BBX: variants seen among roughly 807,000 people sequenced by gnomAD.
BBX encodes the protein BBX high mobility group box domain containing.
In BBX, 30 loss-of-function variants were observed where a neutral mutation model predicts 100.2. That is an observed-to-expected ratio of 0.30 (90% CI 0.22 to 0.41). The LOEUF (loss-of-function observed/expected upper bound fraction) is 0.41. BBX is among the 10% of genes least tolerant of loss of function. The pLI, the probability that BBX is intolerant of heterozygous loss-of-function variation, is 1.00. For missense variants in BBX, 1,023 were observed against 1,129.8 expected (o/e 0.91, Z 1.35); for synonymous variants, 376 against 388.1 (o/e 0.97, Z 0.37).
At chr3:107,546,799 T>A (rs2107396684) in intron 2 of BBX, among the ~76,000 whole-genome samples, 1 of 152,314 alleles carries the variant, frequency 6.6e-6, no homozygotes, top group South Asian at 2.1e-4. Flanking sequence ...TGTAATATAG[T>A]TACTGTATCT....
At chr3:107,721,813 A>G (rs1576498973) in intron 5 of BBX, among the ~76,000 whole-genome samples, 1 of 151,990 alleles carries the variant, frequency 6.6e-6, no homozygotes, top group East Asian at 1.9e-4. Flanking sequence ...TAAAATGGCA[A>G]TTAAGATGCC....
At chr3:107,643,731 G>C (rs1308536242) in intron 2 of BBX, among the ~76,000 whole-genome samples, 1 of 152,160 alleles carries the variant, frequency 6.6e-6, no homozygotes, top group African/African-American at 2.4e-5. Flanking sequence ...CGTCAAATCA[G>C]TACACTCTCT....
intron 5 of BBX, among the ~76,000 whole-genome samples, chr3:107,725,468 G>A (rs1342098389): frequency 1.3e-5 from 2 of 152,008 alleles, no homozygotes; most frequent in Admixed American, 1.3e-4. Flanking sequence ...GGTGAGAGAG[G>A]GCATCCCTGT....
intron 7 of BBX, among the ~76,000 whole-genome samples, chr3:107,738,468 T>C (rs2063816364): frequency 1.3e-5 from 2 of 152,204 alleles, no homozygotes; most frequent in African/African-American, 4.8e-5. Flanking sequence ...TCCGTAAGAC[T>C]AACTCTTAAT....
intron 10 of BBX, among the ~76,000 whole-genome samples, chr3:107,766,768 G>A (rs2066428365): frequency 6.6e-6 from 1 of 152,086 alleles, no homozygotes; most frequent in Non-Finnish European, 1.5e-5. Flanking sequence ...TATGTTTATT[G>A]CAGCACTGTT....
chr3:107,764,869 C>A (rs2066247754), intron 10 of BBX, among the ~76,000 whole-genome samples: 1 of 152,186 alleles, frequency 6.6e-6, no homozygotes, highest in Admixed American at 6.5e-5. Context: ...GTGTGCTTGT[C>A]TGTGTGCACA....
At chr3:107,747,825 C>T (rs149466501) in intron 8 of BBX, 140 bp from the exon 9 acceptor site, 5 of 594,618 alleles carry the variant, frequency 8.4e-6, no homozygotes, top group Admixed American at 3.3e-5. Flanking sequence ...ATCATTTATA[C>T]TGCTCTTCTA....
rs1417973939 is a variant in BBX at position 107,806,871 on chromosome 3, A to G, written c.*1414A>G. 4 of 152,212 alleles carry G rather than the reference A, an allele frequency of 2.6e-5. No individual in the cohort carries two copies. The highest frequency in any genetic ancestry group is 9.6e-5 in the African/African-American group (4 of 41,452). 9.4% of individuals were successfully genotyped at this position (152,212 alleles called of 1,614,324 possible). On this transcript the variant is annotated 3_prime_UTR_variant, in exon 18 of 18. Transcript: ENST00000325805. Reference sequence around the variant, plus strand: ...CTTGCGTCACAGCACAAACTACCAAATTTTAATTATTGGATTCCAGCAATA... The same window carrying G: ...CTTGCGTCACAGCACAAACTACCAAGTTTTAATTATTGGATTCCAGCAATA...
intron 8 of BBX, among the ~76,000 whole-genome samples, chr3:107,747,124 T>G (rs1480156883): frequency 6.6e-6 from 1 of 152,164 alleles, no homozygotes; most frequent in Non-Finnish European, 1.5e-5. Context: ...CTGAGCAAAG[T>G]TGAAGAAAGC....
At chr3:107,576,934 C>T (rs557328795) in intron 2 of BBX, among the ~76,000 whole-genome samples, 1 of 152,112 alleles carries the variant, frequency 6.6e-6, no homozygotes, top group African/African-American at 2.4e-5. Context: ...GATCTTGGCT[C>T]ACTGCAACCT....
rs192152124 is a variant in BBX, at chr3:107,666,589, C to T, written c.-10+20680C>T. ...AAATTATTCATTATTTTTTTTGAGACGGAGTCTCGCTCTATTGGCAGACTG... is the reference window on the plus strand; with the variant it reads ...AAATTATTCATTATTTTTTTTGAGATGGAGTCTCGCTCTATTGGCAGACTG... On this transcript the variant is annotated intron_variant, in intron 3 of 17. Coordinates refer to ENST00000325805, the MANE Select transcript of BBX (RefSeq NM_001142568.3). Among the ~76,000 whole-genome samples, 334 of 152,226 alleles carry T rather than the reference C, an allele frequency of 2.2e-3. 3 individuals are homozygous for T. The highest frequency in any genetic ancestry group is 0.018 in the Admixed American group (278 of 15,300).
chr3:107,548,908 A>G (rs1307991499), intron 2 of BBX, among the ~76,000 whole-genome samples: 1 of 152,200 alleles, frequency 6.6e-6, no homozygotes, highest in South Asian at 2.1e-4. Flanking sequence ...CAAATACCAC[A>G]TTCTCTCAGT....
chr3:107,766,306 CAACCAAGGAGA>C lies in BBX; in HGVS notation c.907-6319_907-6309del, dbSNP rs143856871. On this transcript the variant is annotated intron_variant, in intron 10 of 17. Coordinates refer to ENST00000325805, the MANE Select transcript of BBX (RefSeq NM_001142568.3). Reference sequence around the variant, plus strand: ...GTAAAAGAATATAAATCTTGCATGACAACCAAGGAGAAATACAAAAATACAAAAGTATGGTA... The same window carrying C: ...GTAAAAGAATATAAATCTTGCATGACAATACAAAAATACAAAAGTATGGTA... 8.4e-3 allele frequency among the ~76,000 whole-genome samples: 1,277 copies of C among 152,214 alleles called. 18 individuals carry two copies. Among genetic ancestry groups the C allele is most frequent in the African/African-American group, 0.029 (1,221 of 41,518 alleles).
intron 2 of BBX, among the ~76,000 whole-genome samples, chr3:107,546,125 C>T (rs1334566225): frequency 6.6e-6 from 1 of 152,198 alleles, no homozygotes; most frequent in African/African-American, 2.4e-5. Context: ...CATGCAGCTT[C>T]CTAGCTCGGA....
chr3:107,715,388 C>T (rs2062030256), intron 4 of BBX, among the ~76,000 whole-genome samples: 1 of 152,202 alleles, frequency 6.6e-6, no homozygotes, highest in Non-Finnish European at 1.5e-5. Context: ...CACTCTGCTG[C>T]ATAATGCAGA....
intron 10 of BBX, among the ~76,000 whole-genome samples, chr3:107,760,368 A>G (rs2065804575): frequency 6.6e-6 from 1 of 152,196 alleles, no homozygotes; most frequent in East Asian, 1.9e-4. Context: ...AATGGAGCTC[A>G]TGTTTTCTTT....
chr3:107,783,288 T>G (rs1559722818), intron 13 of BBX, among the ~76,000 whole-genome samples: 1 of 152,068 alleles, frequency 6.6e-6, no homozygotes, highest in Non-Finnish European at 1.5e-5. Flanking sequence ...AGTAGTTTTA[T>G]ATCTATAATT....
chr3:107,655,861 C>T (rs1011555508), intron 3 of BBX, among the ~76,000 whole-genome samples: 16 of 151,970 alleles, frequency 1.1e-4, no homozygotes, highest in South Asian at 2.1e-4. Flanking sequence ...CCACCATGCC[C>T]GGCTAATTTT....
In BBX at chr3:107,773,019, A is replaced by G. The variant is rs2067028156; in HGVS notation, c.1298A>G (p.His433Arg). Residue 433 changes from histidine to arginine, a missense_variant, in exon 11 of 18, where the codon CAT (histidine) becomes CGT (arginine). Physicochemically the swap from His to Arg is conservative, Grantham distance 29. Coordinates refer to ENST00000325805, the MANE Select transcript of BBX (RefSeq NM_001142568.3). The surrounding 1 kb of genome is among the most constrained non-coding windows in gnomAD (Gnocchi z 4.1). Reference sequence around the variant, plus strand: ...AGAAAGGATCATATGTGCCATCCTCATGGAATTATGATCATTGAGGATCCC... The same window carrying G: ...AGAAAGGATCATATGTGCCATCCTCGTGGAATTATGATCATTGAGGATCCC... ...PSRKDHMCHPHGIMIIEDPAA... is the reference protein window; with the variant it reads ...PSRKDHMCHPRGIMIIEDPAA... The G allele has an allele frequency of 2.5e-6, 4 of 1,614,106 alleles. No individual in the cohort carries two copies. Among genetic ancestry groups the G allele is most frequent in the Admixed American group, 3.3e-5 (2 of 60,016 alleles).
Sources: gnomAD v4.1 joint callset for allele counts (sites outside exome capture counted in the v4.1 genomes callset) on GRCh38, gnomAD v4.1.1 for gene constraint, Gnocchi (gnomAD v3.1) non-coding constraint, MANE v1.5 for transcripts, NCBI Gene and HGNC (gene_info 2026-07-23, HGNC 2026-07-21) for gene names.